The following ERG variants were observed in gnomAD, a reference collection of about 807,000 sequenced individuals.
ERG encodes transcriptional regulator ERG.
Under a neutral mutation model 55.3 loss-of-function variants are expected in ERG, and 9 were observed. That is an observed-to-expected ratio of 0.16 (90% confidence interval 0.10 to 0.28). ERG has a LOEUF of 0.28. ERG is among the 10% of genes least tolerant of loss of function. The pLI is 1.00. For synonymous variants in ERG, 223 were observed against 237.3 expected, an observed-to-expected ratio of 0.94 and a Z score of 0.55; for missense variants, 434 against 631.6, an observed-to-expected ratio of 0.69 and a Z score of 3.35.
chr21:38,468,313 C>A (rs76004364), intron 1 of ERG, among the ~76,000 whole-genome samples: 2,127 of 152,260 alleles, frequency 0.014, 51 homozygotes, highest in African/African-American at 0.05. Flanking sequence ...TAGCTCTGTG[C>A]AATAGAAAAT....
At chr21:38,370,431 A>G in the ERG span, among the ~76,000 whole-genome samples, 1 of 152,144 alleles carries the variant, frequency 6.6e-6, no homozygotes, top group East Asian at 1.9e-4. Context: ...TAATGTTAAT[A>G]TAGTAATATC....
intron 3 of ERG, among the ~76,000 whole-genome samples, chr21:38,420,288 C>CTGTG (rs199860613): frequency 2.1e-4 from 26 of 126,396 alleles, no homozygotes; most frequent in African/African-American, 8.7e-4. Flanking sequence ...TGCAATGAAG[C>CTGTG]TGTGTGTGTG....
intron 6 of ERG, among the ~76,000 whole-genome samples, chr21:38,395,919 C>G (rs1174354668): frequency 6.6e-6 from 1 of 152,330 alleles, no homozygotes; most frequent in African/African-American, 2.4e-5. Context: ...TCTTGCCCCA[C>G]ACACCCCACA....
chr21:38,520,162 A>G (rs1386726960), intron 2 of ERG, among the ~76,000 whole-genome samples: 1 of 152,200 alleles, frequency 6.6e-6, no homozygotes, highest in Non-Finnish European at 1.5e-5. Context: ...CCTTGCAGTC[A>G]TCTATCAATT....
chr21:38,537,472 TCAA>T (rs1415169187), intron 2 of ERG, among the ~76,000 whole-genome samples: 4 of 151,162 alleles, frequency 2.6e-5, no homozygotes, highest in African/African-American at 7.3e-5. Flanking sequence ...AACCTACAAC[TCAA>T]CAACAACAAC....
chr21:38,548,374 C>T (rs2059801036), intron 2 of ERG, among the ~76,000 whole-genome samples: 1 of 151,782 alleles, frequency 6.6e-6, no homozygotes, highest in Non-Finnish European at 1.5e-5. Context: ...AAAAATAAAG[C>T]TTTCTAAGTC....
chr21:38,385,540 G>A (rs1987656173), intron 9 of ERG, among the ~76,000 whole-genome samples: 1 of 152,158 alleles, frequency 6.6e-6, no homozygotes, highest in South Asian at 2.1e-4. Context: ...ACATGGACAT[G>A]GATATTTTTG....
At chr21:38,449,735 G>C (rs181028359) in intron 1 of ERG, among the ~76,000 whole-genome samples, 236 of 152,194 alleles carry the variant, frequency 1.6e-3, no homozygotes, top group Admixed American at 4.8e-3. Context: ...GAAAATAAAG[G>C]CCCAAAATTG....
At chr21:38,611,859 A>T (rs2060229265) in intron 1 of ERG, among the ~76,000 whole-genome samples, 1 of 152,134 alleles carries the variant, frequency 6.6e-6, no homozygotes. Flanking sequence ...CTAAAAGTAA[A>T]TGACAAAAGA....
intron 3 of ERG, among the ~76,000 whole-genome samples, chr21:38,417,149 T>C (rs1374979397): frequency 2.6e-5 from 4 of 152,374 alleles, no homozygotes; most frequent in Admixed American, 2.0e-4. Context: ...TTAAGAGTAA[T>C]GGGAACTCCA....
intron 1 of ERG, among the ~76,000 whole-genome samples, chr21:38,622,418 T>TCA (rs972391746): frequency 1.4e-4 from 11 of 79,454 alleles, no homozygotes; most frequent in East Asian, 1.3e-3. Context: ...CTCATACATA[T>TCA]CACACACACA....
chr21:38,410,157 ACT>A (rs2146472919), intron 3 of ERG, among the ~76,000 whole-genome samples: 1 of 152,316 alleles, frequency 6.6e-6, no homozygotes, highest in African/African-American at 2.4e-5. Context: ...TGCATTGCAA[ACT>A]CTGCTAAAAT....
chr21:38,442,515 T>C (rs1443770432), intron 2 of ERG, among the ~76,000 whole-genome samples: 1 of 152,200 alleles, frequency 6.6e-6, no homozygotes, highest in Non-Finnish European at 1.5e-5. Context: ...ACCCAAGAGC[T>C]TTCCCCAGTC....
intron 2 of ERG, among the ~76,000 whole-genome samples, chr21:38,527,466 C>T (rs891336184): frequency 6.6e-6 from 1 of 152,190 alleles, no homozygotes; most frequent in Non-Finnish European, 1.5e-5. Flanking sequence ...TGAGGAATGA[C>T]GGGTTAAATA....
At chr21:38,477,220 G>A (rs1354951064) in intron 1 of ERG, among the ~76,000 whole-genome samples, 1 of 151,956 alleles carries the variant, frequency 6.6e-6, no homozygotes, top group Non-Finnish European at 1.5e-5. Context: ...CACCATGTTG[G>A]CTAGGTTGGT....
At chr21:38,530,296 G>A (rs1370641365) in intron 2 of ERG, among the ~76,000 whole-genome samples, 1 of 152,134 alleles carries the variant, frequency 6.6e-6, no homozygotes, top group Non-Finnish European at 1.5e-5. Context: ...CTGACCTCAA[G>A]TGATCCACCC....
At chr21:38,462,831 C>CAG (rs1264938916) in intron 1 of ERG, among the ~76,000 whole-genome samples, 1 of 152,192 alleles carries the variant, frequency 6.6e-6, no homozygotes, top group Admixed American at 6.5e-5. Context: ...ACACAGCACA[C>CAG]ATCTGCTTCT....
intron 4 of ERG, 101 bp from the exon 5 acceptor site, chr21:38,402,738 A>G (rs1988565818): frequency 3.6e-6 from 3 of 827,168 alleles, no homozygotes; most frequent in Non-Finnish European, 5.4e-6. Context: ...AAAAGAAAGA[A>G]AAAGAAAGAA....
chr21:38,500,459 A>T (rs755406970), upstream of ERG, among the ~76,000 whole-genome samples: 6 of 152,116 alleles, frequency 3.9e-5, no homozygotes, highest in Admixed American at 6.5e-5. Context: ...GGGATTTCTT[A>T]CCTCTCTATT....
Sources: allele counts gnomAD v4.1 joint callset (sites outside exome capture counted in the v4.1 genomes callset), GRCh38; gene constraint gnomAD v4.1.1; transcripts MANE v1.5; gene names NCBI Gene and HGNC (gene_info 2026-07-23, HGNC 2026-07-21).